Variants in COMMD9 observed in about 807,000 individuals in gnomAD.
The protein encoded by COMMD9 is COMM domain containing 9, also known as COMM domain-containing protein 9.
A neutral mutation model predicts 23.4 loss-of-function variants in COMMD9; 22 were observed. That is an observed-to-expected ratio of 0.94 (90% CI 0.67 to 1.34). The LOEUF (loss-of-function observed/expected upper bound fraction) is 1.34, where lower values mean the gene tolerates loss of function less well. Among genes scored for constraint, COMMD9 ranks in the 40% most tolerant of loss-of-function variants. The pLI is 0.00. For synonymous variants in COMMD9, 99 were observed against 97.4 expected (o/e 1.02, Z -0.10); for missense variants, 231 against 240.2 (o/e 0.96, Z 0.25).
At position 36,288,611 on chromosome 11, in the gene COMMD9, G is replaced by A. The variant is rs142144775; in HGVS notation, c.51+751C>T. 5.6e-3 allele frequency among the ~76,000 whole-genome samples: 857 copies of A among 152,196 alleles called. 9 individuals are homozygous for A. Among genetic ancestry groups the A allele is most frequent in the African/African-American group, 0.019 (778 of 41,508 alleles). ...CGGTCAGGAGTTCAAGACCAGCCTG[G>A]CCAAGATGTTGAAACCCCGTCTCTA... is the stretch of plus-strand genomic sequence containing the variant. On this transcript the variant is annotated intron_variant, in intron 1 of 5. Coordinates refer to ENST00000263401, the MANE Select transcript of COMMD9 (RefSeq NM_014186.4).
chr11:36,276,323 T>C, intron 4 of COMMD9, 83 bp from the exon 5 acceptor site: 1 of 893,550 alleles, frequency 1.1e-6, no homozygotes. Flanking sequence ...CTCTGAGGAC[T>C]GCACACATGC....
chr11:36,277,052 C>T lies in COMMD9; in HGVS notation c.352+37G>A, dbSNP rs188776942. 2.8e-3 allele frequency: 4,372 copies of T among 1,574,854 alleles called. 16 individuals carry two copies. The highest frequency in any genetic ancestry group is 3.3e-3 in the Non-Finnish European group (3,818 of 1,158,378). ...AGACTGAGAGCTGGGGCTGGGGAGA[C>T]AAGTAAGAAGGGAGGGGCAGATTTA... is the stretch of plus-strand genomic sequence containing the variant. On this transcript the variant is annotated intron_variant, in intron 4 of 5. Transcript: ENST00000263401.
chr11:36,286,278 G>A (rs1856149473), intron 1 of COMMD9, among the ~76,000 whole-genome samples: 1 of 151,804 alleles, frequency 6.6e-6, no homozygotes, highest in Non-Finnish European at 1.5e-5. Flanking sequence ...GGCTGGGCAT[G>A]GTGGCTCACA....
intron 1 of COMMD9, among the ~76,000 whole-genome samples, chr11:36,284,748 T>C (rs1416443255): frequency 6.6e-6 from 1 of 152,190 alleles, no homozygotes; most frequent in Non-Finnish European, 1.5e-5. Context: ...TGAACACTTA[T>C]AAACTTAAAC....
rs1249357918 is a variant in COMMD9 at position 36,272,850 on chromosome 11, T to TTAA, written c.*1779_*1781dup. ...AGCTAGAGAAATATGGGTCCACCTCTTAATGAGACCATTTACCAGCAGATG... is the reference window on the plus strand; with the variant it reads ...AGCTAGAGAAATATGGGTCCACCTCTTAATAATGAGACCATTTACCAGCAGATG... On this transcript the variant is annotated 3_prime_UTR_variant, in exon 6 of 6. Coordinates refer to ENST00000263401, the MANE Select transcript of COMMD9 (RefSeq NM_014186.4). 1.3e-5 allele frequency: 2 copies of TTAA among 152,210 alleles called. No individual in the cohort carries two copies. The highest frequency in any genetic ancestry group is 2.9e-5 in the Non-Finnish European group (2 of 68,032). 9.4% of individuals were successfully genotyped at this position (152,210 alleles called of 1,614,324 possible).
chr11:36,287,131 T>TACATC (rs1435835419), intron 1 of COMMD9, among the ~76,000 whole-genome samples: 15 of 86,634 alleles, frequency 1.7e-4, no homozygotes, highest in East Asian at 3.6e-4. Context: ...ACATACTATG[T>TACATC]ATATCGCGTA....
At chr11:36,284,061 G>T (rs775842091) in intron 1 of COMMD9, among the ~76,000 whole-genome samples, 20 of 152,012 alleles carry the variant, frequency 1.3e-4, no homozygotes, top group Non-Finnish European at 2.6e-4. Context: ...AGCCGAGATT[G>T]CACCACTGCA....
At chr11:36,284,753 T>G (rs1475935948) in intron 1 of COMMD9, among the ~76,000 whole-genome samples, 1 of 152,154 alleles carries the variant, frequency 6.6e-6, no homozygotes. Flanking sequence ...ACTTATAAAC[T>G]TAAACAGTAC....
At chr11:36,287,146 G>A (rs762258860) in intron 1 of COMMD9, among the ~76,000 whole-genome samples, 4 of 42,098 alleles carry the variant, frequency 9.5e-5, no homozygotes, top group Non-Finnish European at 8.9e-5. Context: ...CGCGTAGTAT[G>A]TATACTACAT....
Position 36,274,072 on chromosome 11 carries a change from A to G in COMMD9, c.*560T>C, listed in dbSNP as rs1855925935. 1 of 325,578 alleles carries G rather than the reference A, an allele frequency of 3.1e-6. No homozygotes were observed. The highest frequency in any genetic ancestry group is 6.1e-6 in the Non-Finnish European group (1 of 162,890). 20.2% of individuals were successfully genotyped at this position (325,578 alleles called of 1,614,324 possible). On this transcript the variant is annotated 3_prime_UTR_variant, in exon 6 of 6. Transcript: ENST00000263401. ...TTCATGAAGAAGGGAATTAGCACCC[A>G]TTTCAGACTTCCTACACTGAAGAGG...
rs571042058 is a variant in COMMD9, at chr11:36,285,415, C to T, written c.51+3947G>A. ...ACCCAGATAGTTTAACTGGAGAATT[C>T]TAGCAAACATTTAAAAAAAGAATGA... On this transcript the variant is annotated intron_variant, in intron 1 of 5. Transcript: ENST00000263401. Among the ~76,000 whole-genome samples, 304 of 152,086 alleles carry T rather than the reference C, an allele frequency of 2.0e-3. 2 individuals are homozygous for T. Among genetic ancestry groups the T allele is most frequent in the Non-Finnish European group, 2.4e-3 (160 of 67,946 alleles).
chr11:36,280,463 AG>A (rs1418146025), intron 2 of COMMD9, among the ~76,000 whole-genome samples: 1 of 152,250 alleles, frequency 6.6e-6, no homozygotes, highest in African/African-American at 2.4e-5. Flanking sequence ...AGCAAGTTAT[AG>A]GTTGGAAAAG....
At chr11:36,278,309 A>G in intron 3 of COMMD9, 168 bp downstream of exon 3, 1 of 617,256 alleles carries the variant, frequency 1.6e-6, no homozygotes, top group Non-Finnish European at 2.8e-6. Context: ...CATTAAGAAA[A>G]GACTACCACT....
Position 36,280,719 on chromosome 11 carries a change from G to A in COMMD9, c.170C>T (p.Ala57Val). Residue 57 changes from alanine to valine, a missense_variant, in exon 2 of 6, where the codon GCA becomes GTA. By Grantham distance (64) the Ala-to-Val change is moderately conservative. Transcript: ENST00000263401. ...CSSLSVTQEE[A>V]EELLQALHRL... Reference sequence around the variant, plus strand: ...ATTTCTGACCACACTTACTTCCTCTGCCTCCTCCTGGGTCACAGACAAGCT... The same window carrying A: ...ATTTCTGACCACACTTACTTCCTCTACCTCCTCCTGGGTCACAGACAAGCT... 1 of 1,599,602 alleles carries A rather than the reference G, an allele frequency of 6.3e-7. No individual in the cohort carries two copies. Among genetic ancestry groups the A allele is most frequent in the Non-Finnish European group, 8.5e-7 (1 of 1,172,704 alleles).
At chr11:36,278,880 G>A (rs1405123957) in intron 2 of COMMD9, among the ~76,000 whole-genome samples, 1 of 152,228 alleles carries the variant, frequency 6.6e-6, no homozygotes, top group East Asian at 1.9e-4. Flanking sequence ...TCCACTTGTG[G>A]ACAAAGAGTT....
At chr11:36,277,226 C>T in intron 3 of COMMD9, 103 bp from the exon 4 acceptor site, 1 of 687,400 alleles carries the variant, frequency 1.5e-6, no homozygotes, top group Non-Finnish European at 2.3e-6. Flanking sequence ...TCAGACCTGT[C>T]ATCACCTGCT....
At position 36,287,394 on chromosome 11, in the gene COMMD9, C is replaced by T. The variant is rs148797947; in HGVS notation, c.51+1968G>A. The stretch of plus-strand genomic sequence containing the variant: ...TGTATACTACATACTATGTATATCG[C>T]GTAGTATGTATACTACATACTATGT... On this transcript the variant is annotated intron_variant, in intron 1 of 5. Coordinates refer to ENST00000263401, the MANE Select transcript of COMMD9 (RefSeq NM_014186.4). 6.5e-3 allele frequency among the ~76,000 whole-genome samples: 2 copies of T among 308 alleles called. 1 individual carries two copies. Among genetic ancestry groups the T allele is most frequent in the African/African-American group, 6.6e-3 (2 of 304 alleles). 0.2% of individuals were successfully genotyped at this position (308 alleles called of 152,430 possible). A position where few individuals can be genotyped will look rare whatever the true frequency, so the allele number is the denominator to read the frequency against.
rs1224090345 is a variant in COMMD9 at position 36,272,666 on chromosome 11, T to TA, written c.*1965dup. Reference sequence around the variant, plus strand: ...TTGAATGTTCATTTCCTATAGCAGATAAAGAAGAGCTTGGAATTTTTTTTC... The same window carrying TA: ...TTGAATGTTCATTTCCTATAGCAGATAAAAGAAGAGCTTGGAATTTTTTTTC... On this transcript the variant is annotated 3_prime_UTR_variant, in exon 6 of 6. Transcript: ENST00000263401. 4 of 152,232 alleles carry TA rather than the reference T, an allele frequency of 2.6e-5. No individual in the cohort carries two copies. The highest frequency in any genetic ancestry group is 9.7e-5 in the African/African-American group (4 of 41,450). The allele number at this position is 152,232 out of a possible 1,614,324, so 9.4% of individuals were successfully genotyped here.
In COMMD9 at chr11:36,280,771, T is replaced by C. The variant is rs1856052183; in HGVS notation, c.118A>G (p.Lys40Glu). 6.2e-7 allele frequency: 1 copy of C among 1,611,354 alleles called. No individual in the cohort carries two copies. Among genetic ancestry groups the C allele is most frequent in the Non-Finnish European group, 8.5e-7 (1 of 1,178,148 alleles). Residue 40 changes from lysine (K) to glutamate (E), a missense_variant, in exon 2 of 6, where the codon AAA becomes GAA. By Grantham distance (56) the Lys-to-Glu change is moderately conservative (BLOSUM62 1). Transcript: ENST00000263401. Reference protein sequence around the residue: ...ESFSSSALGLKKLLDVTCSSL... With the variant: ...ESFSSSALGLEKLLDVTCSSL... ...GAACATGTAACATCCAAGAGTTTTT[T>C]CAAGCCAAGGGCTGAACTGGAAAAG...
Sources: allele counts gnomAD v4.1 joint callset (sites outside exome capture counted in the v4.1 genomes callset), GRCh38; gene constraint gnomAD v4.1.1; transcripts MANE v1.5; gene names NCBI Gene and HGNC (gene_info 2026-07-23, HGNC 2026-07-21).